Variants in SNX29 observed in about 807,000 individuals in gnomAD.
The protein encoded by SNX29 is sorting nexin 29, also known as sorting nexin-29.
SNX29 carries 78 observed loss-of-function variants against 102.1 expected under a neutral mutation model. The observed-to-expected ratio is 0.76, with a 90% CI of 0.64 to 0.92. SNX29 has a LOEUF of 0.92. Ranked by LOEUF, SNX29 falls within the 40% of genes least tolerant of loss-of-function variation. The pLI is 0.00. For synonymous variants in SNX29, 580 were observed against 414.5 expected, an observed-to-expected ratio of 1.40 and a Z score of -4.85; for missense variants, 1,280 against 1,061.7, an observed-to-expected ratio of 1.21 and a Z score of -2.86.
intron 16 of SNX29, among the ~76,000 whole-genome samples, chr16:12,360,265 G>C (rs1157033034): frequency 6.6e-6 from 1 of 152,210 alleles, no homozygotes; most frequent in Non-Finnish European, 1.5e-5. Context: ...CAGTTGGTTG[G>C]TGTGCCTCTT....
intron 3 of SNX29, among the ~76,000 whole-genome samples, chr16:12,023,636 C>G (rs1596620672): frequency 6.6e-6 from 1 of 151,764 alleles, no homozygotes; most frequent in Non-Finnish European, 1.5e-5. Context: ...AGCTAGTGCT[C>G]CTTTCATTTC....
intron 13 of SNX29, among the ~76,000 whole-genome samples, chr16:12,192,432 G>A (rs1048421318): frequency 3.3e-5 from 5 of 152,094 alleles, no homozygotes; most frequent in Non-Finnish European, 7.4e-5. Flanking sequence ...CCTATCTTCC[G>A]GCTTCTTCTG....
intron 18 of SNX29, among the ~76,000 whole-genome samples, chr16:12,439,578 G>C (rs1419148713): frequency 1.3e-5 from 2 of 152,200 alleles, no homozygotes; most frequent in African/African-American, 4.8e-5. Context: ...AAAAGCATCA[G>C]ATCTCGTGAG....
rs149556088 is a variant in SNX29, at chr16:12,214,122, C to A, written c.1678+14439C>A. ...AGGGGTAACGTTTTATTTGTTCGAC[C>A]TGATTTCCTCCCTGGCAGGGGCTTT... On this transcript the variant is annotated intron_variant, in intron 14 of 20. Coordinates refer to ENST00000566228, the MANE Select transcript of SNX29 (RefSeq NM_032167.5). Among the ~76,000 whole-genome samples, 70 of 130,084 alleles carry A rather than the reference C, an allele frequency of 5.4e-4. 1 individual carries two copies. In the Middle Eastern group the frequency reaches 0.019, roughly 36 times the overall value. The allele number at this position is 130,084 out of a possible 152,430, so 85.3% of individuals were successfully genotyped here.
At chr16:12,358,255 A>G (rs2093697924) in intron 16 of SNX29, among the ~76,000 whole-genome samples, 1 of 152,132 alleles carries the variant, frequency 6.6e-6, no homozygotes, top group African/African-American at 2.4e-5. Context: ...GATATTTTAT[A>G]TATTTGTGTT....
intron 16 of SNX29, among the ~76,000 whole-genome samples, chr16:12,366,653 C>T (rs990369010): frequency 1.2e-4 from 19 of 152,226 alleles, no homozygotes; most frequent in Non-Finnish European, 2.1e-4. Flanking sequence ...AACTTTGGGC[C>T]TCTGCCACCT....
chr16:12,505,918 G>T (rs999381361), intron 19 of SNX29, among the ~76,000 whole-genome samples: 4 of 151,990 alleles, frequency 2.6e-5, no homozygotes, highest in Non-Finnish European at 5.9e-5. Flanking sequence ...TATTTCTTTT[G>T]ATCATATTTT....
rs532306369 is a variant in SNX29 at position 12,371,080 on chromosome 16, A to T, written c.1899+14801A>T. On this transcript the variant is annotated intron_variant, in intron 16 of 20. Transcript: ENST00000566228. ...AAGGTGATTTTGTTGATCAGAGTTCAGATGGTGTTCTCCCAGATATTCGAA... is the reference window on the plus strand; with the variant it reads ...AAGGTGATTTTGTTGATCAGAGTTCTGATGGTGTTCTCCCAGATATTCGAA... Among the ~76,000 whole-genome samples, 3 of 152,356 alleles carry T rather than the reference A, an allele frequency of 2.0e-5. No homozygotes were observed. In the South Asian group the frequency reaches 6.2e-4, roughly 32 times the overall value.
At chr16:12,066,468 CG>C in intron 9 of SNX29, among the ~76,000 whole-genome samples, 1 of 152,184 alleles carries the variant, frequency 6.6e-6, no homozygotes, top group Middle Eastern at 3.4e-3. Flanking sequence ...GTAGGCACAG[CG>C]GGGTATCCCA....
chr16:12,398,592 A>C, intron 17 of SNX29, 91 bp downstream of exon 17: 1 of 1,446,064 alleles, frequency 6.9e-7, no homozygotes, highest in Non-Finnish European at 9.7e-7. Context: ...GGGAAACAGA[A>C]ATCACTGTTG....
intron 19 of SNX29, among the ~76,000 whole-genome samples, chr16:12,520,005 A>AAATAAT (rs1320643911): frequency 2.6e-5 from 4 of 151,764 alleles, no homozygotes; most frequent in African/African-American, 9.7e-5. Flanking sequence ...ATAAAAATAA[A>AAATAAT]AATAATAATA....
chr16:12,295,206 C>T (rs1455678102), intron 15 of SNX29, among the ~76,000 whole-genome samples: 1 of 152,162 alleles, frequency 6.6e-6, no homozygotes, highest in Non-Finnish European at 1.5e-5. Flanking sequence ...TATCCCTTCC[C>T]ATGTCCTTGC....
At chr16:12,544,371 G>A (rs976854522) in intron 20 of SNX29, among the ~76,000 whole-genome samples, 1 of 152,200 alleles carries the variant, frequency 6.6e-6, no homozygotes, top group Non-Finnish European at 1.5e-5. Flanking sequence ...GTGATGCTGG[G>A]GAGTGGAAGG....
chr16:12,533,003 C>G (rs865934279), intron 20 of SNX29, among the ~76,000 whole-genome samples: 1 of 152,162 alleles, frequency 6.6e-6, no homozygotes, highest in Non-Finnish European at 1.5e-5. Context: ...CTGAGCCCCT[C>G]GTCTGTGGGG....
chr16:12,480,904 T>A (rs537064906), intron 19 of SNX29, among the ~76,000 whole-genome samples: 1 of 152,244 alleles, frequency 6.6e-6, no homozygotes, highest in South Asian at 2.1e-4. Context: ...GGAGGCAAAG[T>A]CTTACTCTGT....
Position 12,032,457 on chromosome 16 carries a change from C to T in SNX29, c.247+5013C>T, listed in dbSNP as rs188367259. 2.0e-4 allele frequency among the ~76,000 whole-genome samples: 31 copies of T among 152,098 alleles called. 2 individuals carry two copies. The South Asian group carries it at 4.8e-3, about 23-fold the overall frequency. On this transcript the variant is annotated intron_variant, in intron 4 of 20. Transcript: ENST00000566228. ...CCCTGACCTTGTGATCCACCCACCT[C>T]GGCCTCCCAAAGTGCTGTGATTACA... is the stretch of plus-strand genomic sequence containing the variant.
chr16:12,249,433 C>A (rs1226332145), intron 14 of SNX29, among the ~76,000 whole-genome samples: 1 of 152,222 alleles, frequency 6.6e-6, no homozygotes, highest in South Asian at 2.1e-4. Context: ...TTTGCGAATA[C>A]TCCACTGACC....
intron 20 of SNX29, among the ~76,000 whole-genome samples, chr16:12,537,564 A>G (rs1352431681): frequency 1.3e-5 from 2 of 152,178 alleles, no homozygotes; most frequent in East Asian, 3.8e-4. Context: ...GAAGGGAAGC[A>G]ATTTTGACTT....
chr16:12,465,850 C>A, intron 18 of SNX29, among the ~76,000 whole-genome samples: 1 of 144,716 alleles, frequency 6.9e-6, no homozygotes, highest in East Asian at 2.0e-4. Flanking sequence ...TTTTTTTTTT[C>A]AGTTTATTTC....
Sources: gnomAD v4.1 joint callset for allele counts (sites outside exome capture counted in the v4.1 genomes callset) on GRCh38, gnomAD v4.1.1 for gene constraint, MANE v1.5 for transcripts, NCBI Gene and HGNC (gene_info 2026-07-23, HGNC 2026-07-21) for gene names.